Variants in EIF2B3 observed in about 807,000 individuals in gnomAD.
EIF2B3 encodes eukaryotic translation initiation factor 2B subunit gamma.
Under a neutral mutation model 54.1 loss-of-function variants are expected in EIF2B3, and 20 were observed. The ratio of observed to expected loss-of-function variants is 0.37; its 90% CI spans 0.26 to 0.54. EIF2B3 has a LOEUF of 0.54. Ranked by LOEUF, EIF2B3 falls within the 20% of genes least tolerant of loss-of-function variation. The pLI is 0.86. For missense variants in EIF2B3, 448 were observed against 547.8 expected (o/e 0.82, Z 1.82); for synonymous variants, 153 against 188.1 (o/e 0.81, Z 1.52).
At chr1:44,913,494 T>A (rs896644106) in intron 5 of EIF2B3, among the ~76,000 whole-genome samples, 4 of 143,552 alleles carry the variant, frequency 2.8e-5, no homozygotes, top group Non-Finnish European at 6.0e-5. Context: ...TGTTGCCTGT[T>A]TTAATGGAAA....
At chr1:44,920,629 G>A (rs767209048) in intron 5 of EIF2B3, among the ~76,000 whole-genome samples, 6 of 152,116 alleles carry the variant, frequency 3.9e-5, no homozygotes, top group Non-Finnish European at 5.9e-5. Context: ...ACAAGTAAGT[G>A]AAAACATGCA....
At chr1:44,964,171 C>T (rs1480096975) in intron 3 of EIF2B3, among the ~76,000 whole-genome samples, 1 of 149,096 alleles carries the variant, frequency 6.7e-6, no homozygotes, top group African/African-American at 2.5e-5. Context: ...TTATATCCAA[C>T]TCGTTTCTGC....
At chr1:44,870,137 A>G (rs1194266642) in intron 10 of EIF2B3, among the ~76,000 whole-genome samples, 1 of 151,268 alleles carries the variant, frequency 6.6e-6, no homozygotes, top group Non-Finnish European at 1.5e-5. Context: ...ACATCACTGC[A>G]CTCCAGCCCA....
intron 4 of EIF2B3, chr1:44,940,914 T>TCTTG (rs1162609500): frequency 2.0e-5 from 3 of 150,282 alleles, no homozygotes; most frequent in Non-Finnish European, 4.4e-5. Flanking sequence ...CGAGATGGAG[T>TCTTG]CTTGCTCTGT....
At chr1:44,900,163 A>G (rs1643251411) in intron 5 of EIF2B3, among the ~76,000 whole-genome samples, 1 of 151,974 alleles carries the variant, frequency 6.6e-6, no homozygotes. Context: ...ATGGGAACAA[A>G]AGTCTGGGAA....
chr1:44,888,586 C>T (rs1655685077), intron 6 of EIF2B3, among the ~76,000 whole-genome samples: 1 of 152,108 alleles, frequency 6.6e-6, no homozygotes, highest in Non-Finnish European at 1.5e-5. Flanking sequence ...TTCTGAGGCT[C>T]ATATTAAGTT....
intron 5 of EIF2B3, among the ~76,000 whole-genome samples, chr1:44,916,900 T>G (rs886979069): frequency 6.6e-6 from 1 of 152,106 alleles, no homozygotes; most frequent in African/African-American, 2.4e-5. Flanking sequence ...TGCTTTTATA[T>G]TTGAATAAAA....
At chr1:44,911,834 T>A (rs1569698010) in intron 5 of EIF2B3, among the ~76,000 whole-genome samples, 1 of 150,684 alleles carries the variant, frequency 6.6e-6, no homozygotes, top group Non-Finnish European at 1.5e-5. Context: ...ATTAGGTATA[T>A]CTCCCAATGC....
chr1:44,886,593 T>A (rs187985486), intron 6 of EIF2B3, among the ~76,000 whole-genome samples: 24 of 152,368 alleles, frequency 1.6e-4, no homozygotes, highest in Admixed American at 7.8e-4. Flanking sequence ...AATAGGTAGA[T>A]GAGACTGAAA....
chr1:44,860,217 T>C (rs1195769367), intron 10 of EIF2B3, among the ~76,000 whole-genome samples: 2 of 152,110 alleles, frequency 1.3e-5, no homozygotes, highest in East Asian at 3.9e-4. Context: ...TGGCGTGATC[T>C]TGACTCACTG....
chr1:44,943,382 A>ATCTATG (rs1644060351), intron 3 of EIF2B3, among the ~76,000 whole-genome samples: 1 of 148,118 alleles, frequency 6.8e-6, no homozygotes, highest in Non-Finnish European at 1.5e-5. Flanking sequence ...CTATATCTAT[A>ATCTATG]TCTATATCTA....
chr1:44,949,985 T>C (rs1486655097), intron 3 of EIF2B3, among the ~76,000 whole-genome samples: 1 of 152,206 alleles, frequency 6.6e-6, no homozygotes, highest in Non-Finnish European at 1.5e-5. Flanking sequence ...AGGATTTAGA[T>C]ATATGCAATT....
intron 3 of EIF2B3, among the ~76,000 whole-genome samples, chr1:44,946,008 A>C (rs1187119232): frequency 6.6e-6 from 1 of 152,230 alleles, no homozygotes; most frequent in Non-Finnish European, 1.5e-5. Context: ...CGATATCTGC[A>C]AAAGTGTTTA....
intron 1 of EIF2B3, among the ~76,000 whole-genome samples, chr1:44,984,795 A>ATTTTTTTTT (rs1557718636): frequency 1.4e-4 from 11 of 80,458 alleles, no homozygotes; most frequent in African/African-American, 7.7e-4. Flanking sequence ...AATAATGTCC[A>ATTTTTTTTT]TCTTTTTTTT....
rs556414289 is a variant in EIF2B3 at position 44,984,899 on chromosome 1, C to T, written c.-10+1594G>A. Among the ~76,000 whole-genome samples the T allele has an allele frequency of 3.4e-5, 5 of 145,098 alleles. No individual in the cohort carries two copies. In the East Asian group the frequency reaches 6.4e-4, roughly 18 times the overall value. On this transcript the variant is annotated intron_variant, in intron 1 of 11. Coordinates refer to ENST00000360403, the MANE Select transcript of EIF2B3 (RefSeq NM_020365.5). ...TCGGCTCACTGCAAGCTCCGCTTCCCGGGTTCACGCCATTCTCCTGCCTCA... is the reference window on the plus strand; with the variant it reads ...TCGGCTCACTGCAAGCTCCGCTTCCTGGGTTCACGCCATTCTCCTGCCTCA...
intron 5 of EIF2B3, among the ~76,000 whole-genome samples, chr1:44,898,451 C>T (rs960774150): frequency 6.6e-6 from 1 of 151,982 alleles, no homozygotes; most frequent in African/African-American, 2.4e-5. Context: ...GAGTAAATGT[C>T]CAATAAATAG....
intron 6 of EIF2B3, among the ~76,000 whole-genome samples, chr1:44,887,645 A>G (rs1655638530): frequency 6.6e-6 from 1 of 152,232 alleles, no homozygotes; most frequent in African/African-American, 2.4e-5. Context: ...TTTTATTTAA[A>G]GACTTTATGA....
At chr1:44,964,822 G>T (rs569509605) in intron 3 of EIF2B3, among the ~76,000 whole-genome samples, 4 of 152,160 alleles carry the variant, frequency 2.6e-5, no homozygotes, top group Non-Finnish European at 4.4e-5. Context: ...CAATGAGACC[G>T]GCAATATAAA....
At chr1:44,914,228 T>C (rs1181216361) in intron 5 of EIF2B3, among the ~76,000 whole-genome samples, 1 of 151,440 alleles carries the variant, frequency 6.6e-6, no homozygotes, top group African/African-American at 2.4e-5. Context: ...TGGCGTGATC[T>C]TGGCTCACTG....
Sources: allele counts gnomAD v4.1 joint callset (sites outside exome capture counted in the v4.1 genomes callset), GRCh38; gene constraint gnomAD v4.1.1; transcripts MANE v1.5; gene names NCBI Gene and HGNC (gene_info 2026-07-23, HGNC 2026-07-21).